BCL2L13: variants seen among roughly 807,000 people sequenced by gnomAD.
BCL2L13 encodes the protein BCL2 like 13.
A neutral mutation model predicts 25.8 loss-of-function variants in BCL2L13; 13 were observed. The observed-to-expected ratio is 0.50, with a 90% CI of 0.33 to 0.80. The LOEUF (loss-of-function observed/expected upper bound fraction) is 0.80, where lower values mean the gene tolerates loss of function less well. Ranked by LOEUF, BCL2L13 falls within the 30% of genes least tolerant of loss-of-function variation. BCL2L13 has a pLI of 0.02. For missense variants in BCL2L13, 504 were observed against 574.9 expected, an observed-to-expected ratio of 0.88 and a Z score of 1.26; for synonymous variants, 244 against 230.3, an observed-to-expected ratio of 1.06 and a Z score of -0.54.
At position 17,727,696 on chromosome 22, in the gene BCL2L13, G is replaced by T; in HGVS notation, c.*162G>T. On this transcript the variant is annotated 3_prime_UTR_variant, in exon 7 of 7. Transcript: ENST00000317582. ...CATGTTAGGCATGTTAGGGCTTGAG[G>T]TGGGGCATTCACATTCATCTGACTG... is the stretch of plus-strand genomic sequence containing the variant. 1.1e-6 allele frequency: 1 copy of T among 923,322 alleles called. No individual in the cohort carries two copies. Among genetic ancestry groups the T allele is most frequent in the Non-Finnish European group, 1.6e-6 (1 of 627,130 alleles). The allele number at this position is 923,322 out of a possible 1,614,324, so 57.2% of individuals were successfully genotyped here. A position where few individuals can be genotyped will look rare whatever the true frequency, so the allele number is the denominator to read the frequency against.
chr22:17,709,123 C>G (rs530975237), intron 6 of BCL2L13, among the ~76,000 whole-genome samples: 1 of 152,230 alleles, frequency 6.6e-6, no homozygotes, highest in South Asian at 2.1e-4. Context: ...GTAGTCCCAG[C>G]TACTCGGGAG....
In BCL2L13 at chr22:17,662,697, T is replaced by G. The variant is rs114265663; in HGVS notation, c.121+6865T>G. Among the ~76,000 whole-genome samples, 594 of 151,798 alleles carry G rather than the reference T, an allele frequency of 3.9e-3. 3 individuals carry two copies. The highest frequency in any genetic ancestry group is 0.014 in the African/African-American group (575 of 41,400). ...AGCTGGGTATGGTAGTGCGCACCCA[T>G]AATCCCAGCTACTCAGGAGGCTGAG... On this transcript the variant is annotated intron_variant, in intron 2 of 6. Coordinates refer to ENST00000317582, the MANE Select transcript of BCL2L13 (RefSeq NM_015367.4).
intron 2 of BCL2L13, among the ~76,000 whole-genome samples, chr22:17,663,777 G>T (rs1414511503): frequency 7.9e-6 from 1 of 126,846 alleles, no homozygotes. Flanking sequence ...ACCTCCACCC[G>T]CCTAGTTCAA....
At chr22:17,637,139 G>C (rs962508415), upstream of BCL2L13, among the ~76,000 whole-genome samples, 13 of 152,016 alleles carry the variant, frequency 8.6e-5, no homozygotes, top group Non-Finnish European at 1.5e-5. Flanking sequence ...AGGCACGGTG[G>C]CTCACGTCTG....
intron 6 of BCL2L13, among the ~76,000 whole-genome samples, chr22:17,715,122 T>TTA (rs1371492072): frequency 1.3e-3 from 67 of 52,964 alleles, no homozygotes; most frequent in South Asian, 1.7e-3. Context: ...AGTGTTAATT[T>TTA]TATATATATA....
Position 17,730,417 on chromosome 22 carries a change from G to A in BCL2L13, c.*2883G>A, listed in dbSNP as rs576495603. 2.0e-5 allele frequency: 3 copies of A among 152,234 alleles called. No homozygotes were observed. Among genetic ancestry groups the A allele is most frequent in the Admixed American group, 2.0e-4 (3 of 15,298 alleles). 9.4% of individuals were successfully genotyped at this position (152,234 alleles called of 1,614,324 possible). A position where few individuals can be genotyped will look rare whatever the true frequency, so the allele number is the denominator to read the frequency against. ...CACTACCTAACTAGGCTTGTCCTGG[G>A]GGAGTGAGCCGTGAACCTGGAGACA... On this transcript the variant is annotated 3_prime_UTR_variant, in exon 7 of 7. Transcript: ENST00000317582.
At chr22:17,649,344 G>T (rs2058598719) in intron 1 of BCL2L13, among the ~76,000 whole-genome samples, 1 of 152,152 alleles carries the variant, frequency 6.6e-6, no homozygotes, top group Non-Finnish European at 1.5e-5. Flanking sequence ...TGATCCGCCT[G>T]CCTCGGCCTC....
intron 2 of BCL2L13, among the ~76,000 whole-genome samples, chr22:17,669,930 C>G (rs1203232581): frequency 2.0e-5 from 3 of 152,144 alleles, no homozygotes; most frequent in African/African-American, 7.2e-5. Flanking sequence ...TATAAACTAT[C>G]CAGTTTCAGG....
rs111913186 is a variant in BCL2L13, at chr22:17,652,442, A to G, written c.-50-3220A>G. On this transcript the variant is annotated intron_variant, in intron 1 of 6. Coordinates refer to ENST00000317582, the MANE Select transcript of BCL2L13 (RefSeq NM_015367.4). The stretch of plus-strand genomic sequence containing the variant: ...ATGTAAAGTGTTGACTATCTTATCA[A>G]ATTTCTTTTTTTTGAGACTGAGTCT... Among the ~76,000 whole-genome samples, 410 of 152,122 alleles carry G rather than the reference A, an allele frequency of 2.7e-3. 3 individuals are homozygous for G. Among genetic ancestry groups the G allele is most frequent in the African/African-American group, 9.5e-3 (395 of 41,522 alleles).
intron 1 of BCL2L13, among the ~76,000 whole-genome samples, chr22:17,643,964 A>C (rs2146410685): frequency 6.6e-6 from 1 of 151,364 alleles, no homozygotes; most frequent in South Asian, 2.1e-4. Context: ...GCTGGAGTGC[A>C]GTGGTGCAAT....
rs950522712 is a variant in BCL2L13, at chr22:17,728,784, G to C, written c.*1250G>C. ...AGTTTGGCTTTCAGAGTTCAAGAGT[G>C]GTGGCATCTTCACCTGAATTCTTCA... On this transcript the variant is annotated 3_prime_UTR_variant, in exon 7 of 7. Coordinates refer to ENST00000317582, the MANE Select transcript of BCL2L13 (RefSeq NM_015367.4). The C allele has an allele frequency of 6.6e-6, 1 of 152,254 alleles. No homozygotes were observed. The highest frequency in any genetic ancestry group is 2.4e-5 in the African/African-American group (1 of 41,466). 9.4% of individuals were successfully genotyped at this position (152,254 alleles called of 1,614,324 possible). A position where few individuals can be genotyped will look rare whatever the true frequency, so the allele number is the denominator to read the frequency against.
At chr22:17,706,440 G>C (rs1463211705) in intron 6 of BCL2L13, among the ~76,000 whole-genome samples, 1 of 151,484 alleles carries the variant, frequency 6.6e-6, no homozygotes, top group African/African-American at 2.4e-5. Context: ...TACTAGCCCT[G>C]TGTTTTGGAA....
intron 6 of BCL2L13, among the ~76,000 whole-genome samples, chr22:17,713,195 C>T (rs1490556480): frequency 6.6e-6 from 1 of 152,124 alleles, no homozygotes; most frequent in Non-Finnish European, 1.5e-5. Context: ...GCATAACAGA[C>T]TCTTGAAACA....
chr22:17,699,586 A>T (rs938179392), intron 5 of BCL2L13, among the ~76,000 whole-genome samples: 2 of 152,184 alleles, frequency 1.3e-5, no homozygotes, highest in Non-Finnish European at 2.9e-5. Flanking sequence ...AAAAAAAATT[A>T]TATATGATGT....
intron 4 of BCL2L13, among the ~76,000 whole-genome samples, chr22:17,695,336 C>T (rs2060232790): frequency 6.6e-6 from 1 of 152,098 alleles, no homozygotes; most frequent in African/African-American, 2.4e-5. Flanking sequence ...TTCAGCCTTC[C>T]CTGAGCCTTC....
intron 3 of BCL2L13, among the ~76,000 whole-genome samples, chr22:17,687,331 T>C (rs2059972402): frequency 8.5e-6 from 1 of 118,108 alleles, no homozygotes; most frequent in South Asian, 3.0e-4. Context: ...TATTTTATTT[T>C]TATTTAATTA....
In BCL2L13 at chr22:17,673,870, A is replaced by G. The variant is rs575587963; in HGVS notation, c.122-9344A>G. On this transcript the variant is annotated intron_variant, in intron 2 of 6. Transcript: ENST00000317582. ...GTCTCCTCTCCCTAGCGAGGTTGCC[A>G]TGTATACATAGAGAATACAGTGAGC... 1.1e-4 allele frequency among the ~76,000 whole-genome samples: 17 copies of G among 152,192 alleles called. No homozygotes were observed. The South Asian group carries it at 3.1e-3, about 28-fold the overall frequency.
chr22:17,683,440 T>C (rs904810361), intron 3 of BCL2L13, 119 bp downstream of exon 3: 1 of 598,038 alleles, frequency 1.7e-6, no homozygotes, highest in East Asian at 3.2e-5. Context: ...ACACCAATTA[T>C]ACATTGGTAG....
intron 1 of BCL2L13, among the ~76,000 whole-genome samples, chr22:17,639,672 A>C (rs1041083485): frequency 1.3e-5 from 2 of 152,244 alleles, no homozygotes; most frequent in Non-Finnish European, 2.9e-5. Context: ...AGAAGTTTGA[A>C]CTAAGCTGAG....
Sources: gnomAD v4.1 joint callset for allele counts (sites outside exome capture counted in the v4.1 genomes callset) on GRCh38, gnomAD v4.1.1 for gene constraint, MANE v1.5 for transcripts, NCBI Gene and HGNC (gene_info 2026-07-23, HGNC 2026-07-21) for gene names.